ARB2A: variants seen among roughly 807,000 people sequenced by gnomAD.
The protein encoded by ARB2A is cotranscriptional regulator ARB2A.
the ARB2A span, among the ~76,000 whole-genome samples, chr5:93,776,806 T>A: frequency 6.6e-6 from 1 of 151,878 alleles, no homozygotes; most frequent in Non-Finnish European, 1.5e-5. Flanking sequence ...ATAGATGACA[T>A]GTAACCTTCC....
At chr5:94,022,824 G>C in the ARB2A span, among the ~76,000 whole-genome samples, 1 of 152,192 alleles carries the variant, frequency 6.6e-6, no homozygotes, top group Non-Finnish European at 1.5e-5. Context: ...AAGGCAAGAA[G>C]CACTGGCTTG....
the ARB2A span, among the ~76,000 whole-genome samples, chr5:94,090,579 G>C: frequency 6.6e-6 from 1 of 152,182 alleles, no homozygotes; most frequent in Non-Finnish European, 1.5e-5. Flanking sequence ...GGAGTGGTGA[G>C]AGAGGGCATC....
the ARB2A span, among the ~76,000 whole-genome samples, chr5:94,036,465 T>A: frequency 6.6e-6 from 1 of 152,198 alleles, no homozygotes; most frequent in Non-Finnish European, 1.5e-5. Context: ...ATATTGGCAA[T>A]TTCTCCTTTA....
the ARB2A span, among the ~76,000 whole-genome samples, chr5:93,898,571 T>C: frequency 6.6e-6 from 1 of 152,070 alleles, no homozygotes; most frequent in Non-Finnish European, 1.5e-5. Context: ...AAACGACCAA[T>C]TGTCCATGTT....
the ARB2A span, among the ~76,000 whole-genome samples, chr5:93,981,412 T>C: frequency 8.6e-5 from 13 of 151,982 alleles, no homozygotes; most frequent in African/African-American, 3.1e-4. Context: ...TTGATGTAAG[T>C]TCCTTGAGAA....
At chr5:93,907,448 G>C in the ARB2A span, among the ~76,000 whole-genome samples, 1 of 151,304 alleles carries the variant, frequency 6.6e-6, no homozygotes, top group Non-Finnish European at 1.5e-5. Flanking sequence ...GTAATACTCA[G>C]ACTCAACTGT....
At chr5:93,875,812 AAG>A in the ARB2A span, among the ~76,000 whole-genome samples, 1 of 152,008 alleles carries the variant, frequency 6.6e-6, no homozygotes, top group African/African-American at 2.4e-5. Context: ...AAAAAAAAAA[AAG>A]AGACTAAAGA....
the ARB2A span, chr5:94,074,699 G>A: frequency 6.2e-7 from 1 of 1,612,830 alleles, no homozygotes; most frequent in South Asian, 1.1e-5. Flanking sequence ...CTGGATTTGT[G>A]CCATGTTTAT....
the ARB2A span, among the ~76,000 whole-genome samples, chr5:94,063,512 GGT>G: frequency 6.6e-6 from 1 of 152,040 alleles, no homozygotes; most frequent in African/African-American, 2.4e-5. Flanking sequence ...CTGACCCACT[GGT>G]GCCACTATAG....
the ARB2A span, among the ~76,000 whole-genome samples, chr5:93,901,054 C>G: frequency 1.3e-5 from 2 of 152,258 alleles, no homozygotes; most frequent in South Asian, 4.1e-4. Context: ...CTGGTTCCTT[C>G]TCCATTCTTC....
the ARB2A span, among the ~76,000 whole-genome samples, chr5:93,640,557 T>G: frequency 2.1e-3 from 313 of 146,802 alleles, 1 homozygote; most frequent in Admixed American, 3.3e-3. Context: ...CCTATAGGGG[T>G]GTGTGTGTGT....
At chr5:93,834,450 A>T in the ARB2A span, among the ~76,000 whole-genome samples, 1 of 152,202 alleles carries the variant, frequency 6.6e-6, no homozygotes, top group Non-Finnish European at 1.5e-5. Context: ...AAAACAAAAT[A>T]TAAGGGAGAT....
the ARB2A span, chr5:93,737,176 A>G: frequency 3.3e-5 from 5 of 152,200 alleles, no homozygotes; most frequent in Non-Finnish European, 7.3e-5. Context: ...GAAATGAAGG[A>G]AACTATTCCA....
chr5:93,696,262 T>G, the ARB2A span, among the ~76,000 whole-genome samples: 2 of 152,212 alleles, frequency 1.3e-5, no homozygotes, highest in Non-Finnish European at 2.9e-5. Flanking sequence ...TTCTTCCTTC[T>G]CCATTCACAT....
chr5:93,859,214 C>T, the ARB2A span, among the ~76,000 whole-genome samples: 2 of 151,868 alleles, frequency 1.3e-5, no homozygotes, highest in African/African-American at 4.8e-5. Context: ...ATTAATGATG[C>T]CTATCCACAA....
At chr5:93,727,870 CAT>C in the ARB2A span, among the ~76,000 whole-genome samples, 11 of 151,992 alleles carry the variant, frequency 7.2e-5, no homozygotes, top group Non-Finnish European at 1.0e-4. Flanking sequence ...TGTCAGGACT[CAT>C]GTGTTTATTC....
the ARB2A span, among the ~76,000 whole-genome samples, chr5:94,007,473 T>A: frequency 6.6e-6 from 1 of 152,080 alleles, no homozygotes; most frequent in African/African-American, 2.4e-5. Context: ...TGTTCAAAGA[T>A]GTTAGCAAAA....
At chr5:94,075,603 T>C in the ARB2A span, among the ~76,000 whole-genome samples, 1 of 152,230 alleles carries the variant, frequency 6.6e-6, no homozygotes, top group Middle Eastern at 3.4e-3. Context: ...TGAAATTATA[T>C]AAAAACTACA....
the ARB2A span, chr5:93,621,280 C>T: frequency 4.8e-6 from 3 of 629,312 alleles, no homozygotes; most frequent in Non-Finnish European, 6.4e-6. Context: ...CCGCCCGCGC[C>T]CCGCCCCTCA....
Sources: allele counts gnomAD v4.1 joint callset (sites outside exome capture counted in the v4.1 genomes callset), GRCh38; gene constraint gnomAD v4.1.1; transcripts MANE v1.5; gene names NCBI Gene and HGNC (gene_info 2026-07-23, HGNC 2026-07-21).